PLIN2: variants seen among roughly 807,000 people sequenced by gnomAD.
PLIN2 encodes perilipin 2.
In PLIN2, 33 loss-of-function variants were observed where a neutral mutation model predicts 30.6. The observed-to-expected ratio is 1.08, with a 90% CI of 0.82 to 1.44. The LOEUF (loss-of-function observed/expected upper bound fraction) is 1.44, where lower values mean the gene tolerates loss of function less well. Ranked by LOEUF, PLIN2 falls within the 40% of genes most tolerant of loss-of-function variation. PLIN2 has a pLI of 0.00. For synonymous variants in PLIN2, 205 were observed against 201.1 expected, an observed-to-expected ratio of 1.02 and a Z score of -0.16; for missense variants, 610 against 531.8, an observed-to-expected ratio of 1.15 and a Z score of -1.45.
chr9:19,110,995 G>A (rs1588639311), downstream of PLIN2, among the ~76,000 whole-genome samples: 1 of 152,022 alleles, frequency 6.6e-6, no homozygotes, highest in African/African-American at 2.4e-5. Context: ...ACCTCCCACT[G>A]CAAACATTTT....
chr9:19,126,091 C>A (rs746505059), intron 3 of PLIN2, 23 bp downstream of exon 3: 1 of 1,606,544 alleles, frequency 6.2e-7, no homozygotes, highest in African/African-American at 1.3e-5. Flanking sequence ...CCTTGACTTG[C>A]ATCTTGAAAA....
chr9:19,121,979 C>T (rs778268482), intron 4 of PLIN2, among the ~76,000 whole-genome samples: 1 of 151,440 alleles, frequency 6.6e-6, no homozygotes, highest in African/African-American at 2.4e-5. Context: ...TGTGGCGGGG[C>T]GTGCCTGTGA....
exon 3 of PLIN2, chr9:19,108,675 C>T (rs945332136): frequency 1.3e-5 from 2 of 152,610 alleles, no homozygotes; most frequent in East Asian, 3.8e-4. Context: ...GATCCGTTCT[C>T]CTCTTCCAAA....
Position 19,120,982 on chromosome 9 carries a change from C to G in PLIN2, c.493G>C (p.Gly165Arg), listed in dbSNP as rs78408401. The G allele has an allele frequency of 5.2e-4, 836 of 1,614,178 alleles. 5 individuals are homozygous for G. In the African/African-American group the frequency reaches 9.7e-3, roughly 19 times the overall value. Residue 165 changes from glycine to arginine, a missense_variant, in exon 5 of 8, where the codon GGG (glycine) becomes CGG (arginine). Transcript: ENST00000276914. Reference protein sequence around the residue: ...VVSGSINTVLGSRMMQLVSSG... With the variant: ...VVSGSINTVLRSRMMQLVSSG... Reference sequence around the variant, plus strand: ...CTCACGAGCTGCATCATCCGACTCCCCAAGACTGTGTTAATGCTGCCACTG... The same window carrying G: ...CTCACGAGCTGCATCATCCGACTCCGCAAGACTGTGTTAATGCTGCCACTG...
chr9:19,123,383 G>A (rs1358509885), intron 4 of PLIN2, 182 bp downstream of exon 4: 47 of 1,551,150 alleles, frequency 3.0e-5, no homozygotes, highest in Admixed American at 5.9e-5. Context: ...TCTCTGCTTC[G>A]TAGATACAAC....
chr9:19,113,536 C>A (rs910296337), downstream of PLIN2, among the ~76,000 whole-genome samples: 1 of 151,328 alleles, frequency 6.6e-6, no homozygotes, highest in African/African-American at 2.4e-5. Flanking sequence ...TTACTGATTT[C>A]TGGAGTTACA....
At chr9:19,120,447 A>G (rs1588645069) in intron 5 of PLIN2, among the ~76,000 whole-genome samples, 2 of 152,164 alleles carry the variant, frequency 1.3e-5, no homozygotes, top group Non-Finnish European at 2.9e-5. Context: ...ATTAAAGACT[A>G]TCCATTTACA....
At chr9:19,125,617 C>T (rs556011542) in intron 3 of PLIN2, 4 of 153,520 alleles carry the variant, frequency 2.6e-5, no homozygotes, top group South Asian at 2.0e-4. Flanking sequence ...GGATCATAAA[C>T]ATCTGCCAAA....
intron 7 of PLIN2, 100 bp from the exon 8 acceptor site, chr9:19,116,749 T>A: frequency 2.1e-6 from 2 of 960,178 alleles, no homozygotes; most frequent in Non-Finnish European, 3.1e-6. Flanking sequence ...ATATGTGGAT[T>A]CTTTGGCTTT....
At chr9:19,108,426 T>C (rs926011490) in exon 3 of PLIN2, 5 of 152,222 alleles carry the variant, frequency 3.3e-5, no homozygotes, top group Non-Finnish European at 7.3e-5. Flanking sequence ...ACTTTAATTA[T>C]ATTAAATGAT....
chr9:19,117,616 GTTTTC>G (rs1818248697), intron 7 of PLIN2, among the ~76,000 whole-genome samples: 1 of 147,682 alleles, frequency 6.8e-6, no homozygotes, highest in Non-Finnish European at 1.5e-5. Context: ...CTTCCCATAT[GTTTTC>G]TTTTTTTTTT....
rs77739561 is a variant in PLIN2, at chr9:19,123,475, G to A, written c.309+90C>T. 53 of 1,597,434 alleles carry A rather than the reference G, an allele frequency of 3.3e-5. 1 individual carries two copies. The East Asian group carries it at 1.2e-3, about 36-fold the overall frequency. On this transcript the variant is annotated intron_variant, in intron 4 of 7. Coordinates refer to ENST00000276914, the MANE Select transcript of PLIN2 (RefSeq NM_001122.4). ...ATCCAGGTTGGGAAAACAAGTATTT[G>A]CCTGTTTGTGATATGTACAGCTTGT...
At chr9:19,111,455 A>G (rs1818158580), downstream of PLIN2, among the ~76,000 whole-genome samples, 1 of 152,120 alleles carries the variant, frequency 6.6e-6, no homozygotes, top group Non-Finnish European at 1.5e-5. Flanking sequence ...ATAATTTTCT[A>G]ATTCAGTCTT....
At position 19,115,949 on chromosome 9, in the gene PLIN2, C is replaced by G. The variant is rs1818214808; in HGVS notation, c.*299G>C. ...CACATGAAGATGTTTTTATTCAATACAAACAGTAACAGAGGCAACACAATG... is the reference window on the plus strand; with the variant it reads ...CACATGAAGATGTTTTTATTCAATAGAAACAGTAACAGAGGCAACACAATG... On this transcript the variant is annotated 3_prime_UTR_variant, in exon 8 of 8. Coordinates refer to ENST00000276914, the MANE Select transcript of PLIN2 (RefSeq NM_001122.4). The G allele has an allele frequency of 8.5e-6, 2 of 234,996 alleles. No homozygotes were observed. The highest frequency in any genetic ancestry group is 2.3e-4 in the South Asian group (2 of 8,858). The allele number at this position is 234,996 out of a possible 1,614,324, so 14.6% of individuals were successfully genotyped here.
intron 2 of PLIN2, among the ~76,000 whole-genome samples, chr9:19,110,228 A>C (rs549264931): frequency 1.3e-5 from 2 of 151,974 alleles, no homozygotes; most frequent in African/African-American, 2.4e-5. Flanking sequence ...GGGTTTCACC[A>C]TGTTGGCCAG....
chr9:19,121,076 C>A lies in PLIN2; in HGVS notation c.399G>T (p.Thr133=). Residue 133 remains threonine (T), a synonymous_variant, in exon 5 of 8, where the codon ACG becomes ACT. Transcript: ENST00000276914. ...VTGAKDSVAS[T]ITGVMDKTKG... is the part of the protein sequence containing the mutation. ...TGGTCTTGTCCATCACCCCTGTGAT[C>A]GTGCTGGCCACAGAATCCTTGGCCC... 1 of 1,614,186 alleles carries A rather than the reference C, an allele frequency of 6.2e-7. No individual in the cohort carries two copies. The highest frequency in any genetic ancestry group is 8.5e-7 in the Non-Finnish European group (1 of 1,180,014).
chr9:19,112,344 G>GT (rs1290619954), downstream of PLIN2, among the ~76,000 whole-genome samples: 4 of 152,114 alleles, frequency 2.6e-5, no homozygotes, highest in Non-Finnish European at 5.9e-5. Context: ...CAAAAGAACT[G>GT]TTTTCTGGAG....
Position 19,121,173 on chromosome 9 carries a change from T to G in PLIN2, c.310-8A>C, listed in dbSNP as rs751082779. The G allele has an allele frequency of 2.5e-6, 4 of 1,612,518 alleles. No homozygotes were observed. The highest frequency in any genetic ancestry group is 3.4e-6 in the Non-Finnish European group (4 of 1,178,828). On this transcript the variant is annotated splice_polypyrimidine_tract_variant and splice_region_variant and intron_variant, in intron 4 of 7. Coordinates refer to ENST00000276914, the MANE Select transcript of PLIN2 (RefSeq NM_001122.4). ...TTTGGCATTGGCAACAATCTGTAAG[T>G]AGAAAAGCAGATCCCCTGGCTGGTG...
chr9:19,109,975 C>A (rs1201319460), intron 2 of PLIN2, among the ~76,000 whole-genome samples: 6 of 151,788 alleles, frequency 4.0e-5, no homozygotes, highest in African/African-American at 1.5e-4. Flanking sequence ...AAAAAAAATC[C>A]CTCAAAAAAT....
Sources: gnomAD v4.1 joint callset for allele counts (sites outside exome capture counted in the v4.1 genomes callset) on GRCh38, gnomAD v4.1.1 for gene constraint, MANE v1.5 for transcripts, NCBI Gene and HGNC (gene_info 2026-07-23, HGNC 2026-07-21) for gene names.